Variants in PNCK observed in about 807,000 individuals in gnomAD.
PNCK encodes the protein pregnancy up-regulated nonubiquitous CaM kinase, also known as calcium/calmodulin-dependent protein kinase type 1B.
A neutral mutation model predicts 28.3 loss-of-function variants in PNCK; 21 were observed. That is an observed-to-expected ratio of 0.74 (90% CI 0.53 to 1.07). The LOEUF (loss-of-function observed/expected upper bound fraction) is 1.07, where lower values mean the gene tolerates loss of function less well. PNCK is among the 50% of genes least tolerant of loss of function. The probability of loss-of-function intolerance (pLI) is 0.00; values close to 1 mark genes in which losing one functional copy is unlikely to be tolerated. For synonymous variants in PNCK, 136 were observed against 125.2 expected, an observed-to-expected ratio of 1.09 and a Z score of -0.58; for missense variants, 250 against 298.3, an observed-to-expected ratio of 0.84 and a Z score of 1.19.
intron 1 of PNCK, among the ~76,000 whole-genome samples, chrX:153,684,556 C>T (rs1340937975): frequency 6.4e-5 from 7 of 108,531 alleles, no homozygotes; most frequent in Non-Finnish European, 1.3e-4. Context: ...AAGTACAAAG[C>T]CCTTCCAGGT....
At chrX:153,678,609 C>T (rs140969535), upstream of PNCK, among the ~76,000 whole-genome samples, 839 of 111,844 alleles carry the variant, frequency 7.5e-3, 8 homozygotes, top group East Asian at 0.054. Flanking sequence ...AATTAGAGTG[C>T]GGCGCTTATG....
intron 5 of PNCK, 24 bp downstream of exon 5, chrX:153,671,856 G>A: frequency 8.3e-7 from 1 of 1,203,232 alleles, no homozygotes; most frequent in Non-Finnish European, 1.1e-6. Flanking sequence ...GGGAGGGTGG[G>A]GTGCAGAGGC....
At chrX:153,687,539 G>C (rs1440575416) in exon 1 of PNCK, 5 of 321,417 alleles carry the variant, frequency 1.6e-5, no homozygotes, top group Non-Finnish European at 1.8e-5. Context: ...GGGAGGAGAC[G>C]GCTGCAGCCT....
intron 1 of PNCK, among the ~76,000 whole-genome samples, chrX:153,683,694 C>T (rs935514054): frequency 6.3e-5 from 7 of 111,442 alleles, no homozygotes; most frequent in Non-Finnish European, 1.1e-4. Flanking sequence ...GCACCCAGCC[C>T]GAAAGCTAGG....
At chrX:153,672,960 C>T (rs1557040578) in intron 2 of PNCK, 49 bp downstream of exon 2, 2 of 884,536 alleles carry the variant, frequency 2.3e-6, no homozygotes, top group South Asian at 5.1e-5. Context: ...CAGGTACACA[C>T]ACACACACAC....
intron 1 of PNCK, among the ~76,000 whole-genome samples, chrX:153,685,671 T>C (rs1557043071): frequency 1.8e-5 from 2 of 112,265 alleles, no homozygotes; most frequent in Non-Finnish European, 1.9e-5. Context: ...CCCATCACAC[T>C]CCATCTCGTA....
intron 7 of PNCK, 33 bp from the exon 8 acceptor site, chrX:153,671,223 C>T: frequency 2.5e-6 from 3 of 1,210,264 alleles, no homozygotes; most frequent in Non-Finnish European, 3.4e-6. Flanking sequence ...CCAGCTGTCC[C>T]ACCCTCCCCA....
At chrX:153,685,897 C>A (rs782775270) in intron 1 of PNCK, among the ~76,000 whole-genome samples, 6 of 112,399 alleles carry the variant, frequency 5.3e-5, no homozygotes, top group African/African-American at 1.9e-4. Context: ...GGCCCAGGGG[C>A]TGGTAGTGGG....
upstream of PNCK, chrX:153,674,066 G>A (rs1557041110): frequency 8.3e-7 from 1 of 1,207,944 alleles, no homozygotes; most frequent in Non-Finnish European, 1.1e-6. Context: ...GCTGTCTCCC[G>A]GAGAGCTCTT....
rs781894552 is a variant in PNCK at position 153,669,904 on chromosome X, G to T, written c.*234C>A. The T allele has an allele frequency of 8.8e-6, 3 of 341,213 alleles. No homozygotes were observed. The highest frequency in any genetic ancestry group is 6.2e-5 in the Admixed American group (2 of 32,318). The allele number at this position is 341,213 out of a possible 1,213,427, so 28.1% of individuals were successfully genotyped here. ...CCTCGGCTTTTGGCGGGGCGGGGGG[G>T]GCAGGGGCGGGAGAGGCAACAGGGG... On this transcript the variant is annotated 3_prime_UTR_variant, in exon 12 of 12. Transcript: ENST00000340888.
At chrX:153,674,019 C>T (rs781973859), upstream of PNCK, 1,991 of 1,186,911 alleles carry the variant, frequency 1.7e-3, 1 homozygote, top group Non-Finnish European at 2.2e-3. Context: ...AGCTGCGGCC[C>T]GGCTGGGCCG....
At chrX:153,683,965 C>T (rs1557042791) in intron 1 of PNCK, among the ~76,000 whole-genome samples, 1 of 112,414 alleles carries the variant, frequency 8.9e-6, no homozygotes, top group African/African-American at 3.2e-5. Context: ...TTACAAATCT[C>T]TTGAGCTCTG....
At chrX:153,675,766 T>TCTCC (rs1283712864), upstream of PNCK, among the ~76,000 whole-genome samples, 2 of 110,655 alleles carry the variant, frequency 1.8e-5, no homozygotes, top group East Asian at 5.8e-4. Context: ...CCTCAGGTGA[T>TCTCC]CTGCCTGCCT....
At chrX:153,680,593 G>T (rs782777242) in intron 1 of PNCK, among the ~76,000 whole-genome samples, 64 of 110,642 alleles carry the variant, frequency 5.8e-4, no homozygotes, top group Non-Finnish European at 1.1e-3. Context: ...ACATATGACA[G>T]ATAAAGAGCT....
intron 1 of PNCK, among the ~76,000 whole-genome samples, chrX:153,683,026 C>T (rs2091401969): frequency 8.9e-6 from 1 of 112,854 alleles, no homozygotes. Context: ...GCTGGGATTA[C>T]AGGTGTGAGT....
intron 1 of PNCK, chrX:153,687,170 G>A: frequency 5.7e-6 from 1 of 174,275 alleles, no homozygotes; most frequent in Admixed American, 7.4e-5. Context: ...GGTGGGTGGG[G>A]GGCGGGCAGC....
upstream of PNCK, among the ~76,000 whole-genome samples, chrX:153,675,987 CTTT>C (rs59527995): frequency 0.061 from 4,866 of 79,818 alleles, 352 homozygotes; most frequent in African/African-American, 0.21. Context: ...TTTTTCTTTT[CTTT>C]TTTTTTTTTT....
chrX:153,683,001 T>G (rs1450805762), intron 1 of PNCK, among the ~76,000 whole-genome samples: 2 of 112,579 alleles, frequency 1.8e-5, no homozygotes, highest in East Asian at 5.6e-4. Flanking sequence ...TCTGCCCACC[T>G]GGTCCTCCCA....
intron 1 of PNCK, among the ~76,000 whole-genome samples, chrX:153,681,305 G>A (rs879998287): frequency 9.0e-6 from 1 of 111,488 alleles, no homozygotes; most frequent in African/African-American, 3.3e-5. Flanking sequence ...GCCTCACGGA[G>A]CGGCTTCCTT....
Sources: gnomAD v4.1 joint callset for allele counts (sites outside exome capture counted in the v4.1 genomes callset) on GRCh38, gnomAD v4.1.1 for gene constraint, MANE v1.5 for transcripts, NCBI Gene and HGNC (gene_info 2026-07-23, HGNC 2026-07-21) for gene names.